The following ZRANB3 variants were observed in gnomAD, a reference collection of about 807,000 sequenced individuals.
The protein encoded by ZRANB3 is zinc finger RANBP2-type containing 3.
ZRANB3 carries 125 observed loss-of-function variants against 133.8 expected under a neutral mutation model. That is an observed-to-expected ratio of 0.93 (90% CI 0.81 to 1.08). The LOEUF (loss-of-function observed/expected upper bound fraction) is 1.08, where lower values mean the gene tolerates loss of function less well. Ranked by LOEUF, ZRANB3 falls within the 50% of genes least tolerant of loss-of-function variation. The probability of loss-of-function intolerance (pLI) is 0.00; values close to 1 mark genes in which losing one functional copy is unlikely to be tolerated. For synonymous variants in ZRANB3, 387 were observed against 432.7 expected, an observed-to-expected ratio of 0.89 and a Z score of 1.31; for missense variants, 1,229 against 1,275.5, an observed-to-expected ratio of 0.96 and a Z score of 0.56.
chr2:135,523,395 T>C (rs1396513755), intron 1 of ZRANB3, among the ~76,000 whole-genome samples: 1 of 152,212 alleles, frequency 6.6e-6, no homozygotes, highest in East Asian at 1.9e-4. Flanking sequence ...AAAGTACTTA[T>C]TGTAATTGGC....
intron 8 of ZRANB3, among the ~76,000 whole-genome samples, chr2:135,300,367 T>G (rs1485554295): frequency 4.6e-5 from 7 of 152,180 alleles, no homozygotes; most frequent in Non-Finnish European, 8.8e-5. Flanking sequence ...CTTATGAAGA[T>G]TTTAAAAAAA....
intron 17 of ZRANB3, among the ~76,000 whole-genome samples, chr2:135,212,909 G>C (rs1291228031): frequency 1.3e-5 from 2 of 152,274 alleles, no homozygotes; most frequent in Admixed American, 1.3e-4. Flanking sequence ...AGTGAATTAG[G>C]CCTGCCTCTG....
Position 135,312,133 on chromosome 2 carries a change from A to ATTATT in ZRANB3, c.966+1351_966+1355dup, listed in dbSNP as rs1172988796. 1.5e-3 allele frequency among the ~76,000 whole-genome samples: 148 copies of ATTATT among 98,394 alleles called. 2 individuals carry two copies. The East Asian group carries it at 0.021, about 14-fold the overall frequency. The allele number at this position is 98,394 out of a possible 152,430, so 64.6% of individuals were successfully genotyped here. A position where few individuals can be genotyped will look rare whatever the true frequency, so the allele number is the denominator to read the frequency against. ...TGTATTTATTTTTTTATTTTATTTTATTATTTTATTTTATTTTATTTTATT... is the reference window on the plus strand; with the variant it reads ...TGTATTTATTTTTTTATTTTATTTTATTATTTTATTTTATTTTATTTTATTTTATT... On this transcript the variant is annotated intron_variant, in intron 8 of 20. Coordinates refer to ENST00000264159, the MANE Select transcript of ZRANB3 (RefSeq NM_032143.4).
chr2:135,454,222 G>A (rs61573089), intron 2 of ZRANB3, among the ~76,000 whole-genome samples: 15,875 of 152,212 alleles, frequency 0.1, 1,094 homozygotes, highest in South Asian at 0.32. Context: ...AAATATTGGT[G>A]CAGCCATTTT....
intron 2 of ZRANB3, among the ~76,000 whole-genome samples, chr2:135,430,251 C>A (rs62172203): frequency 1.2e-3 from 175 of 151,950 alleles, no homozygotes; most frequent in South Asian, 2.3e-3. Context: ...TGGAAAGATT[C>A]ATTTCTTGAT....
intron 1 of ZRANB3, chr2:135,511,991 C>T (rs1372050895): frequency 4.4e-6 from 3 of 680,958 alleles, no homozygotes; most frequent in East Asian, 2.6e-5. Context: ...TATGTCCAAA[C>T]CTGTGCGGCT....
chr2:135,392,144 G>T (rs984675914), intron 2 of ZRANB3, among the ~76,000 whole-genome samples: 6 of 151,812 alleles, frequency 4.0e-5, no homozygotes, highest in African/African-American at 1.5e-4. Context: ...AAAATAGCTG[G>T]AATATTATAA....
At chr2:135,439,519 C>T (rs1689688953) in intron 2 of ZRANB3, among the ~76,000 whole-genome samples, 1 of 152,152 alleles carries the variant, frequency 6.6e-6, no homozygotes, top group African/African-American at 2.4e-5. Flanking sequence ...AAATTTTGGT[C>T]CACTTCCAGC....
rs1005984924 is a variant in ZRANB3, at chr2:135,286,388, C to T, written c.967-10633G>A. Among the ~76,000 whole-genome samples, 5 of 152,198 alleles carry T rather than the reference C, an allele frequency of 3.3e-5. No homozygotes were observed. The South Asian group carries it at 1.0e-3, about 32-fold the overall frequency. On this transcript the variant is annotated intron_variant, in intron 8 of 20. Transcript: ENST00000264159. The stretch of plus-strand genomic sequence containing the variant: ...CACATCCCAGGTTCACGCAATTCTC[C>T]TTCCTCAACCTCCCAGGTATCTGGG...
intron 15 of ZRANB3, among the ~76,000 whole-genome samples, chr2:135,220,867 T>C (rs1005408652): frequency 6.6e-6 from 1 of 150,586 alleles, no homozygotes; most frequent in African/African-American, 2.5e-5. Context: ...TATTTTTTTT[T>C]TTTTTTTGAG....
At chr2:135,366,437 C>A (rs150661796) in intron 3 of ZRANB3, among the ~76,000 whole-genome samples, 1 of 152,066 alleles carries the variant, frequency 6.6e-6, no homozygotes, top group East Asian at 1.9e-4. Context: ...TGCCAAAATA[C>A]AACAATTGAC....
chr2:135,228,026 A>G lies in ZRANB3; in HGVS notation c.1955-11T>C. 3 of 1,496,678 alleles carry G rather than the reference A, an allele frequency of 2.0e-6. No individual in the cohort carries two copies. The highest frequency in any genetic ancestry group is 2.7e-6 in the Non-Finnish European group (3 of 1,118,506). The allele number at this position is 1,496,678 out of a possible 1,614,324, so 92.7% of individuals were successfully genotyped here. A position where few individuals can be genotyped will look rare whatever the true frequency, so the allele number is the denominator to read the frequency against. On this transcript the variant is annotated splice_polypyrimidine_tract_variant and intron_variant, in intron 13 of 20. Transcript: ENST00000264159. ...TATCTATTTGCATAACTATTAAAAT[A>G]AAAATTATTACAAAAATGTAATAAT... is the stretch of plus-strand genomic sequence containing the variant.
intron 8 of ZRANB3, among the ~76,000 whole-genome samples, chr2:135,296,551 T>G (rs1682116577): frequency 6.6e-6 from 1 of 152,302 alleles, no homozygotes; most frequent in South Asian, 2.1e-4. Context: ...CTGAGTAGTT[T>G]GATCTTCTGA....
chr2:135,224,531 CAAAAG>C lies in ZRANB3; in HGVS notation c.2159-19_2159-15del. The C allele has an allele frequency of 1.3e-6, 2 of 1,599,402 alleles. No individual in the cohort carries two copies. Among genetic ancestry groups the C allele is most frequent in the Non-Finnish European group, 1.7e-6 (2 of 1,169,530 alleles). On this transcript the variant is annotated splice_polypyrimidine_tract_variant and intron_variant, in intron 14 of 20. Coordinates refer to ENST00000264159, the MANE Select transcript of ZRANB3 (RefSeq NM_032143.4). The stretch of plus-strand genomic sequence containing the variant: ...TCTTCCACTGTTCTATTAAAGAAGA[CAAAAG>C]AGAACCTGAAGGCTTATCTACCCTC...
chr2:135,351,628 G>C (rs1685213161), intron 4 of ZRANB3, among the ~76,000 whole-genome samples: 2 of 152,258 alleles, frequency 1.3e-5, no homozygotes, highest in Admixed American at 1.3e-4. Context: ...AACTAACTTA[G>C]GTATACTGAG....
chr2:135,289,256 AT>A (rs1269865567), intron 8 of ZRANB3, among the ~76,000 whole-genome samples: 3 of 151,590 alleles, frequency 2.0e-5, no homozygotes, highest in African/African-American at 7.3e-5. Context: ...TTTGTAGTTG[AT>A]TTCTTTTTTT....
At position 135,315,492 on chromosome 2, in the gene ZRANB3, G is replaced by T. The variant is rs531204874; in HGVS notation, c.716C>A (p.Ala239Glu). The part of the protein sequence containing the change: ...GKRPQWDCRG[A>E]SNLNELHQLL... ...CTGGTGAAGTTCATTAAGATTTGATGCCCCTCTACAATCCCACTGAGGTCT... is the reference window on the plus strand; with the variant it reads ...CTGGTGAAGTTCATTAAGATTTGATTCCCCTCTACAATCCCACTGAGGTCT... Residue 239 changes from alanine (A) to glutamate (E), a missense_variant, in exon 7 of 21, where the codon GCA (alanine) becomes GAA (glutamate). Coordinates refer to ENST00000264159, the MANE Select transcript of ZRANB3 (RefSeq NM_032143.4). 3.9e-5 allele frequency: 62 copies of T among 1,580,556 alleles called. No individual in the cohort carries two copies. In the South Asian group the frequency reaches 7.0e-4, roughly 18 times the overall value.
chr2:135,369,835 G>A (rs980923709), intron 3 of ZRANB3, among the ~76,000 whole-genome samples: 2 of 151,914 alleles, frequency 1.3e-5, no homozygotes, highest in African/African-American at 4.8e-5. Context: ...TCTTTTACAA[G>A]ACCCACTTCC....
intron 1 of ZRANB3, chr2:135,530,615 T>G (rs1022809255): frequency 2.6e-5 from 4 of 152,146 alleles, no homozygotes; most frequent in Non-Finnish European, 4.4e-5. Context: ...CGGGACAACG[T>G]GAAAGTAGAT....
Sources: gnomAD v4.1 joint callset for allele counts (sites outside exome capture counted in the v4.1 genomes callset) on GRCh38, gnomAD v4.1.1 for gene constraint, MANE v1.5 for transcripts, NCBI Gene and HGNC (gene_info 2026-07-23, HGNC 2026-07-21) for gene names.